Variants in ATP11A observed in about 807,000 individuals in gnomAD.
The protein encoded by ATP11A is phospholipid-transporting ATPase IH.
Under a neutral mutation model 154.4 loss-of-function variants are expected in ATP11A, and 81 were observed. The observed-to-expected ratio is 0.52, with a 90% CI of 0.44 to 0.63. ATP11A has a LOEUF of 0.63. ATP11A is among the 30% of genes least tolerant of loss of function. The pLI is 0.00. For missense variants in ATP11A, 1,316 were observed against 1,474.3 expected (o/e 0.89, Z 1.76); for synonymous variants, 623 against 585.9 (o/e 1.06, Z -0.91).
chr13:112,827,867 A>G (rs2078972819), intron 12 of ATP11A, among the ~76,000 whole-genome samples: 2 of 152,224 alleles, frequency 1.3e-5, no homozygotes, highest in Admixed American at 1.3e-4. Context: ...TGACTTTTGA[A>G]TGTGTTCCTC....
intron 28 of ATP11A, among the ~76,000 whole-genome samples, chr13:112,876,648 C>T (rs1278758): frequency 0.91 from 139,177 of 152,250 alleles, 64,493 homozygotes; most frequent in Non-Finnish European, 0.99. Flanking sequence ...CCGAAATTTC[C>T]AATCACTCCT....
chr13:112,744,413 G>A (rs1169682357), intron 1 of ATP11A, among the ~76,000 whole-genome samples: 30 of 152,242 alleles, frequency 2.0e-4, no homozygotes, highest in Admixed American at 2.0e-3. Flanking sequence ...GTATGTTGAT[G>A]TGTGTTGATG....
At chr13:112,867,043 A>C (rs1053698401) in intron 25 of ATP11A, among the ~76,000 whole-genome samples, 1 of 84,456 alleles carries the variant, frequency 1.2e-5, no homozygotes, top group Non-Finnish European at 2.3e-5. Flanking sequence ...GGGCTTACGT[A>C]AGCATCTCGC....
intron 1 of ATP11A, among the ~76,000 whole-genome samples, chr13:112,770,466 G>T (rs1480512003): frequency 6.6e-6 from 1 of 152,238 alleles, no homozygotes; most frequent in South Asian, 2.1e-4. Flanking sequence ...AGAGTGGGGA[G>T]AACCAGTGGA....
At chr13:112,814,356 C>A (rs2078585066) in intron 5 of ATP11A, among the ~76,000 whole-genome samples, 1 of 151,978 alleles carries the variant, frequency 6.6e-6, no homozygotes, top group Non-Finnish European at 1.5e-5. Context: ...AGCCACCACG[C>A]CTGGCTGATT....
At chr13:112,699,570 C>T (rs925173525) in intron 1 of ATP11A, among the ~76,000 whole-genome samples, 1 of 152,232 alleles carries the variant, frequency 6.6e-6, no homozygotes, top group Non-Finnish European at 1.5e-5. Flanking sequence ...AGTGTGTGTG[C>T]TTTATGTGCA....
chr13:112,776,313 C>T (rs1320082937), intron 1 of ATP11A, among the ~76,000 whole-genome samples: 2 of 152,158 alleles, frequency 1.3e-5, no homozygotes, highest in African/African-American at 2.4e-5. Context: ...CCGGACTGGG[C>T]GCATTGGAGC....
intron 2 of ATP11A, among the ~76,000 whole-genome samples, chr13:112,792,225 G>A (rs1765758781): frequency 6.6e-6 from 1 of 152,162 alleles, no homozygotes; most frequent in South Asian, 2.1e-4. Flanking sequence ...TAGGCAGGTA[G>A]CTGGCCTGAC....
chr13:112,771,427 C>T (rs953948659), intron 1 of ATP11A, among the ~76,000 whole-genome samples: 1 of 152,154 alleles, frequency 6.6e-6, no homozygotes, highest in African/African-American at 2.4e-5. Context: ...GAGGAGTTGC[C>T]CCCTTGGTTA....
rs965881462 is a variant in ATP11A at position 112,754,999 on chromosome 13, G to A, written c.40-30136G>A. ...GCTGGATGGCGCGGACCTGGGCATC[G>A]TGGCCTCTGCAGTGCCAGCTGTGCC... On this transcript the variant is annotated intron_variant, in intron 1 of 29. Coordinates refer to ENST00000375645, the MANE Select transcript of ATP11A (RefSeq NM_015205.3). This position sits in a 1 kb window ranked among gnomAD's most constrained non-coding sequence, Gnocchi z 5.3. Among the ~76,000 whole-genome samples the A allele has an allele frequency of 2.6e-5, 4 of 152,252 alleles. No individual in the cohort carries two copies. The highest frequency in any genetic ancestry group is 5.9e-5 in the Non-Finnish European group (4 of 68,048).
At chr13:112,810,968 A>G (rs1264056105) in intron 5 of ATP11A, among the ~76,000 whole-genome samples, 1 of 152,080 alleles carries the variant, frequency 6.6e-6, no homozygotes, top group Non-Finnish European at 1.5e-5. Flanking sequence ...TAAAATACAA[A>G]TAATAAATGT....
At chr13:112,810,194 C>T (rs919505363) in intron 4 of ATP11A, among the ~76,000 whole-genome samples, 3 of 152,094 alleles carry the variant, frequency 2.0e-5, no homozygotes, top group Admixed American at 6.6e-5. Flanking sequence ...TGACACTCAG[C>T]GGGTGGAAAT....
In ATP11A at chr13:112,690,500, A is replaced by ACGCGGGCCGGCCC; in HGVS notation, c.39+49_39+61dup. ...GCTGGGGGACCCGGGGACCAGACAG[A>ACGCGGGCCGGCCC]CGCGGGCCGGCCCCGCAGCCCGGAC... is the stretch of plus-strand genomic sequence containing the variant. On this transcript the variant is annotated intron_variant, in intron 1 of 29. Coordinates refer to ENST00000375645, the MANE Select transcript of ATP11A (RefSeq NM_015205.3). The surrounding 1 kb of genome is among the most constrained non-coding windows in gnomAD (Gnocchi z 5.6). 1 of 1,286,554 alleles carries ACGCGGGCCGGCCC rather than the reference A, an allele frequency of 7.8e-7. No individual in the cohort carries two copies. The highest frequency in any genetic ancestry group is 9.8e-7 in the Non-Finnish European group (1 of 1,017,250). 79.7% of individuals were successfully genotyped at this position (1,286,554 alleles called of 1,614,324 possible).
intron 1 of ATP11A, among the ~76,000 whole-genome samples, chr13:112,770,418 G>A (rs1210913748): frequency 6.6e-6 from 1 of 152,180 alleles, no homozygotes; most frequent in Admixed American, 6.5e-5. Flanking sequence ...AAAGAAAAAA[G>A]GAAGGAGAGA....
intron 5 of ATP11A, among the ~76,000 whole-genome samples, chr13:112,815,404 T>G (rs1253038324): frequency 7.1e-6 from 1 of 139,946 alleles, no homozygotes; most frequent in Non-Finnish European, 1.5e-5. Flanking sequence ...CCAGATCTGC[T>G]ATGCCTTCCT....
intron 1 of ATP11A, among the ~76,000 whole-genome samples, chr13:112,694,038 A>G (rs563839210): frequency 1.8e-4 from 27 of 152,306 alleles, no homozygotes; most frequent in African/African-American, 6.3e-4. Context: ...ACACCGATTC[A>G]GGTAGTTTAA....
Position 112,788,082 on chromosome 13 carries a change from G to A in ATP11A, c.162+2825G>A, listed in dbSNP as rs905365727. Among the ~76,000 whole-genome samples the A allele has an allele frequency of 1.3e-4, 20 of 148,544 alleles. No individual in the cohort carries two copies. The South Asian group carries it at 1.5e-3, about 11-fold the overall frequency. ...TGTGGATACCTACTTAATTCACACC[G>A]GGTGTCCTGATGTGTAGACCCCTGT... On this transcript the variant is annotated intron_variant, in intron 2 of 29. Transcript: ENST00000375645.
chr13:112,839,894 C>T (rs1238382490), intron 16 of ATP11A, among the ~76,000 whole-genome samples: 1 of 152,124 alleles, frequency 6.6e-6, no homozygotes, highest in Non-Finnish European at 1.5e-5. Context: ...TCATTTGGAC[C>T]ACAGTTCTCA....
rs546142179 is a variant in ATP11A at position 112,775,611 on chromosome 13, A to T, written c.40-9524A>T. On this transcript the variant is annotated intron_variant, in intron 1 of 29. Transcript: ENST00000375645. ...TTTTAAATTTATTTCTGTAAGAAAA[A>T]AATTGGTTGGTACAAATATAGCAAA... Among the ~76,000 whole-genome samples, 54 of 152,398 alleles carry T rather than the reference A, an allele frequency of 3.5e-4. 2 individuals are homozygous for T. In the South Asian group the frequency reaches 0.01, roughly 29 times the overall value.
Sources: allele counts gnomAD v4.1 joint callset (sites outside exome capture counted in the v4.1 genomes callset), GRCh38; gene constraint gnomAD v4.1.1; non-coding constraint Gnocchi (gnomAD v3.1); transcripts MANE v1.5; gene names NCBI Gene and HGNC (gene_info 2026-07-23, HGNC 2026-07-21).